NREP: variants seen among roughly 807,000 people sequenced by gnomAD.
NREP encodes neuronal regeneration related protein.
NREP carries 5 observed loss-of-function variants against 8.6 expected under a neutral mutation model. That is an observed-to-expected ratio of 0.58 (90% CI 0.30 to 1.22). NREP has a LOEUF of 1.22. NREP is among the 50% of genes most tolerant of loss of function. The probability of loss-of-function intolerance (pLI) is 0.07; values close to 1 mark genes in which losing one functional copy is unlikely to be tolerated. For synonymous variants in NREP, 27 were observed against 28.0 expected, an observed-to-expected ratio of 0.96 and a Z score of 0.11; for missense variants, 86 against 82.5, an observed-to-expected ratio of 1.04 and a Z score of -0.17.
chr5:111,889,884 TG>T (rs897286685), intron 2 of NREP, among the ~76,000 whole-genome samples: 114 of 150,712 alleles, frequency 7.6e-4, no homozygotes, highest in African/African-American at 2.7e-3. Flanking sequence ...CGGGCAGGGG[TG>T]GGGGTTACAA....
At chr5:111,791,059 T>G (rs751631735) in intron 2 of NREP, among the ~76,000 whole-genome samples, 6 of 152,212 alleles carry the variant, frequency 3.9e-5, no homozygotes, top group Non-Finnish European at 8.8e-5. Flanking sequence ...AATAGAAGAT[T>G]AAACTGTTTA....
At chr5:111,943,616 T>C (rs1048737745) in intron 2 of NREP, among the ~76,000 whole-genome samples, 1 of 152,096 alleles carries the variant, frequency 6.6e-6, no homozygotes, top group Non-Finnish European at 1.5e-5. Context: ...TATGCCTCTT[T>C]TTACATTTCT....
upstream of NREP, chr5:111,757,756 C>T (rs1437601773): frequency 2.1e-6 from 2 of 973,780 alleles, no homozygotes; most frequent in Admixed American, 6.2e-5. Context: ...GCGCGCAAAT[C>T]CCCGGCCTTC....
At chr5:111,800,524 G>C (rs979299210) in intron 2 of NREP, among the ~76,000 whole-genome samples, 12 of 152,168 alleles carry the variant, frequency 7.9e-5, no homozygotes, top group African/African-American at 2.7e-4. Context: ...GAATGATAGC[G>C]CATGTGTGGC....
intron 2 of NREP, among the ~76,000 whole-genome samples, chr5:111,800,444 G>A (rs761726761): frequency 3.3e-5 from 5 of 152,320 alleles, no homozygotes; most frequent in South Asian, 2.1e-4. Context: ...TTAGTTTAAT[G>A]CTCTGCTGTT....
intron 2 of NREP, among the ~76,000 whole-genome samples, chr5:111,919,695 G>C (rs1200815966): frequency 3.3e-5 from 5 of 151,996 alleles, no homozygotes; most frequent in Non-Finnish European, 2.9e-5. Flanking sequence ...ACACGGGGAA[G>C]GGAACATCAC....
chr5:111,862,417 CAG>C (rs1452855215), intron 2 of NREP, among the ~76,000 whole-genome samples: 1 of 152,090 alleles, frequency 6.6e-6, no homozygotes, highest in East Asian at 1.9e-4. Flanking sequence ...CAAAGAATGA[CAG>C]AGTACGGCGA....
At chr5:111,971,064 C>T (rs1373102844) in intron 2 of NREP, among the ~76,000 whole-genome samples, 2 of 151,958 alleles carry the variant, frequency 1.3e-5, no homozygotes, top group African/African-American at 2.4e-5. Flanking sequence ...TTCCCCTAGT[C>T]CGGGTATATA....
At chr5:111,827,303 T>C (rs1010008049) in intron 2 of NREP, among the ~76,000 whole-genome samples, 2 of 152,204 alleles carry the variant, frequency 1.3e-5, no homozygotes, top group African/African-American at 4.8e-5. Flanking sequence ...CCTATACTTG[T>C]AGTTTAATGT....
At chr5:111,824,424 A>T (rs1423760353) in intron 2 of NREP, among the ~76,000 whole-genome samples, 1 of 152,206 alleles carries the variant, frequency 6.6e-6, no homozygotes, top group African/African-American at 2.4e-5. Context: ...CTGTAGACCA[A>T]TATTATCTTT....
intron 2 of NREP, among the ~76,000 whole-genome samples, chr5:111,889,900 C>A (rs1048895803): frequency 6.6e-6 from 1 of 151,998 alleles, no homozygotes; most frequent in Non-Finnish European, 1.5e-5. Context: ...TTACAAGGTG[C>A]TCAGTGGGGA....
intron 2 of NREP, among the ~76,000 whole-genome samples, chr5:111,845,277 CT>C (rs34082231): frequency 0.42 from 62,135 of 148,054 alleles, 15,599 homozygotes; most frequent in Non-Finnish European, 0.58. Context: ...CTCAATGCAT[CT>C]TTTTTTTTTT....
intron 2 of NREP, among the ~76,000 whole-genome samples, chr5:111,949,281 G>C (rs1466217703): frequency 6.6e-6 from 1 of 151,980 alleles, no homozygotes; most frequent in Non-Finnish European, 1.5e-5. Context: ...GAGTTGAGGT[G>C]ATTGCAGCTT....
chr5:111,851,409 C>G (rs556587693), intron 2 of NREP, among the ~76,000 whole-genome samples: 1 of 152,040 alleles, frequency 6.6e-6, no homozygotes, highest in Non-Finnish European at 1.5e-5. Flanking sequence ...CTAAGGTTAC[C>G]AAAGTCATTA....
chr5:111,815,076 C>A (rs1050409065), intron 2 of NREP, among the ~76,000 whole-genome samples: 2 of 151,870 alleles, frequency 1.3e-5, no homozygotes, highest in Non-Finnish European at 2.9e-5. Flanking sequence ...TCCCTTGAAG[C>A]ATATGCCAAA....
intron 2 of NREP, among the ~76,000 whole-genome samples, chr5:111,827,624 T>C (rs1752659539): frequency 6.6e-6 from 1 of 152,148 alleles, no homozygotes; most frequent in Non-Finnish European, 1.5e-5. Context: ...GGTGGATCAC[T>C]TGAGGTCAGA....
intron 2 of NREP, among the ~76,000 whole-genome samples, chr5:111,863,204 G>A (rs1753591115): frequency 1.3e-5 from 2 of 152,042 alleles, no homozygotes; most frequent in South Asian, 4.1e-4. Context: ...AAAACATAGA[G>A]TAAGAGTTAA....
At chr5:111,957,351 T>C (rs1756353370) in intron 2 of NREP, among the ~76,000 whole-genome samples, 1 of 151,950 alleles carries the variant, frequency 6.6e-6, no homozygotes, top group Non-Finnish European at 1.5e-5. Context: ...ACCTATAAAA[T>C]ATTTTAAAAA....
chr5:111,838,052 A>C (rs78698877), intron 2 of NREP, among the ~76,000 whole-genome samples: 1 of 152,086 alleles, frequency 6.6e-6, no homozygotes, highest in African/African-American at 2.4e-5. Flanking sequence ...CAAAAGAAAT[A>C]TGTGTGCCAT....
Sources: allele counts gnomAD v4.1 joint callset (sites outside exome capture counted in the v4.1 genomes callset), GRCh38; gene constraint gnomAD v4.1.1; transcripts MANE v1.5; gene names NCBI Gene and HGNC (gene_info 2026-07-23, HGNC 2026-07-21).